The following MTRES1 variants were observed in gnomAD, a reference collection of about 807,000 sequenced individuals.
MTRES1 encodes uncharacterized protein C6orf203.
MTRES1 carries 11 observed loss-of-function variants against 17.4 expected under a neutral mutation model. That is an observed-to-expected ratio of 0.63 (90% CI 0.40 to 1.05). The LOEUF is 1.05. MTRES1 is among the 50% of genes least tolerant of loss of function. The pLI is 0.00. For synonymous variants in MTRES1, 94 were observed against 99.6 expected (o/e 0.94, Z 0.34); for missense variants, 268 against 276.2 (o/e 0.97, Z 0.21).
At chr6:107,044,455 C>T (rs1774325881) in intron 3 of MTRES1, 123 bp downstream of exon 3, 1 of 728,904 alleles carries the variant, frequency 1.4e-6, no homozygotes, top group Non-Finnish European at 2.4e-6. Flanking sequence ...CTTTGTGGTC[C>T]TCCACGTCAA....
At position 107,030,004 on chromosome 6, in the gene MTRES1, TCTAC is replaced by T. The variant is rs1424881778; in HGVS notation, c.-13+1736_-13+1739del. On this transcript the variant is annotated intron_variant, in intron 1 of 3. Transcript: ENST00000311381. Reference sequence around the variant, plus strand: ...AATTTACAGGGTGTTTTTTTTTTTGTCTACCTGTTTCCCCTACTAGACTATAAAC... The same window carrying T: ...AATTTACAGGGTGTTTTTTTTTTTGTCTGTTTCCCCTACTAGACTATAAAC... 4 of 683,840 alleles carry T rather than the reference TCTAC, an allele frequency of 5.8e-6. No individual in the cohort carries two copies. In the African/African-American group the frequency reaches 7.3e-5, roughly 13 times the overall value. 42.4% of individuals were successfully genotyped at this position (683,840 alleles called of 1,614,324 possible).
intron 1 of MTRES1, among the ~76,000 whole-genome samples, chr6:107,039,102 G>A (rs1554227252): frequency 6.6e-6 from 1 of 152,010 alleles, no homozygotes; most frequent in African/African-American, 2.4e-5. Context: ...GAGAACTATT[G>A]TTAGTATTTT....
chr6:107,033,600 C>T (rs369201750), intron 1 of MTRES1, among the ~76,000 whole-genome samples: 2 of 152,018 alleles, frequency 1.3e-5, no homozygotes, highest in African/African-American at 2.4e-5. Flanking sequence ...GGGCAGATCA[C>T]GAGGTCAGGA....
At chr6:107,044,387 T>A in intron 3 of MTRES1, 55 bp downstream of exon 3, 2 of 1,396,258 alleles carry the variant, frequency 1.4e-6, no homozygotes, top group Non-Finnish European at 1.0e-6. Flanking sequence ...ACTCTGCTAG[T>A]AACTCAATTA....
intron 1 of MTRES1, 41 bp from the exon 2 acceptor site, chr6:107,039,708 A>G (rs1554227352): frequency 6.4e-7 from 1 of 1,551,640 alleles, no homozygotes; most frequent in South Asian, 1.3e-5. Flanking sequence ...ATGTCATGAC[A>G]CTGCACTTGT....
At chr6:107,039,466 C>T (rs1774114350) in intron 1 of MTRES1, among the ~76,000 whole-genome samples, 1 of 151,834 alleles carries the variant, frequency 6.6e-6, no homozygotes, top group Admixed American at 6.6e-5. Context: ...ATTACAGGCG[C>T]CTGCCACCAC....
At chr6:107,029,052 G>T (rs1170750306) in intron 1 of MTRES1, 1 of 190,318 alleles carries the variant, frequency 5.3e-6, no homozygotes, top group Non-Finnish European at 9.6e-6. Context: ...TTGAGACGGA[G>T]TCTTGCTCTG....
At chr6:107,042,687 TGTG>T (rs1475302668) in intron 2 of MTRES1, among the ~76,000 whole-genome samples, 4 of 152,162 alleles carry the variant, frequency 2.6e-5, no homozygotes, top group Admixed American at 6.6e-5. Flanking sequence ...TTGCCATACA[TGTG>T]GTGCCTGGTT....
chr6:107,049,595 A>C (rs1774520643), intron 3 of MTRES1, among the ~76,000 whole-genome samples: 1 of 151,338 alleles, frequency 6.6e-6, no homozygotes, highest in South Asian at 2.1e-4. Flanking sequence ...TTGTATTTTT[A>C]GTAGAGACGG....
intron 1 of MTRES1, chr6:107,028,972 G>C (rs1360214111): frequency 3.6e-6 from 2 of 552,350 alleles, no homozygotes; most frequent in African/African-American, 2.0e-5. Flanking sequence ...TGATTCATTC[G>C]AATGCACCCG....
intron 1 of MTRES1, chr6:107,028,665 CA>C (rs1231181259): frequency 1.3e-5 from 2 of 152,592 alleles, no homozygotes; most frequent in Admixed American, 1.3e-4. Context: ...CATTAGACTT[CA>C]AAGCGTTTAG....
At chr6:107,029,361 G>C (rs1554226134) in intron 1 of MTRES1, among the ~76,000 whole-genome samples, 1 of 151,564 alleles carries the variant, frequency 6.6e-6, no homozygotes, top group African/African-American at 2.4e-5. Flanking sequence ...CTAATTTTTT[G>C]TATTTTTAGT....
rs1364310696 is a variant in MTRES1 at position 107,040,073 on chromosome 6, G to A, written c.313G>A (p.Asp105Asn). Residue 105 changes from aspartate to asparagine, a missense_variant, in exon 2 of 4, where the codon GAC becomes AAC. Coordinates refer to ENST00000311381, the MANE Select transcript of MTRES1 (RefSeq NM_016487.5). ...GTCTCTGCAAAAAGTAGATGAAGAG[G>A]ACTCTGATGAAGAAAGCCATCATGA... ...KKSLQKVDEE[D>N]SDEESHHDEM... 1.2e-6 allele frequency: 2 copies of A among 1,613,578 alleles called. No homozygotes were observed. The highest frequency in any genetic ancestry group is 1.7e-6 in the Non-Finnish European group (2 of 1,180,004).
chr6:107,047,698 A>G (rs7451129), intron 3 of MTRES1, among the ~76,000 whole-genome samples: 1 of 152,022 alleles, frequency 6.6e-6, no homozygotes, highest in South Asian at 2.1e-4. Context: ...CAGCCTGGCC[A>G]ACATGGTGAA....
chr6:107,034,828 AAATAC>A (rs1433597161), intron 1 of MTRES1, among the ~76,000 whole-genome samples: 5 of 152,100 alleles, frequency 3.3e-5, no homozygotes, highest in Admixed American at 3.3e-4. Flanking sequence ...TCTCTACTAA[AAATAC>A]AAAATTAGCC....
At chr6:107,040,738 A>T (rs782273987) in intron 2 of MTRES1, 2 of 152,454 alleles carry the variant, frequency 1.3e-5, no homozygotes, top group African/African-American at 4.9e-5. Flanking sequence ...GCGAGGTGGC[A>T]GGCGCCTGTA....
At chr6:107,029,594 C>CCTGAGTCAAA (rs1773765167) in intron 1 of MTRES1, among the ~76,000 whole-genome samples, 1 of 151,924 alleles carries the variant, frequency 6.6e-6, no homozygotes, top group Non-Finnish European at 1.5e-5. Context: ...AGCGATTCTT[C>CCTGAGTCAAA]AGCCTCAGCC....
chr6:107,044,390 C>G, intron 3 of MTRES1, 58 bp downstream of exon 3: 3 of 1,383,840 alleles, frequency 2.2e-6, no homozygotes, highest in Non-Finnish European at 3.1e-6. Context: ...CTGCTAGTAA[C>G]TCAATTAATG....
In MTRES1 at chr6:107,051,291, C is replaced by G; in HGVS notation, c.*55C>G. 1 of 1,385,890 alleles carries G rather than the reference C, an allele frequency of 7.2e-7. No individual in the cohort carries two copies. The highest frequency in any genetic ancestry group is 9.9e-7 in the Non-Finnish European group (1 of 1,007,768). 85.8% of individuals were successfully genotyped at this position (1,385,890 alleles called of 1,614,324 possible). ...TTCTAGTGGTAAAGGAAGGGGTCACCTGAAAAATAGGACATTTTTATTAAA... is the reference window on the plus strand; with the variant it reads ...TTCTAGTGGTAAAGGAAGGGGTCACGTGAAAAATAGGACATTTTTATTAAA... On this transcript the variant is annotated 3_prime_UTR_variant, in exon 4 of 4. Coordinates refer to ENST00000311381, the MANE Select transcript of MTRES1 (RefSeq NM_016487.5).
Sources: gnomAD v4.1 joint callset for allele counts (sites outside exome capture counted in the v4.1 genomes callset) on GRCh38, gnomAD v4.1.1 for gene constraint, MANE v1.5 for transcripts, NCBI Gene and HGNC (gene_info 2026-07-23, HGNC 2026-07-21) for gene names.